The following PDE4B variants were observed in gnomAD, a reference collection of about 807,000 sequenced individuals.
PDE4B encodes 3',5'-cyclic-AMP phosphodiesterase 4B.
A neutral mutation model predicts 82.2 loss-of-function variants in PDE4B; 20 were observed. That is an observed-to-expected ratio of 0.24 (90% confidence interval 0.17 to 0.35). The LOEUF (loss-of-function observed/expected upper bound fraction) is 0.35. Ranked by LOEUF, PDE4B falls within the 10% of genes least tolerant of loss-of-function variation. The pLI is 1.00. For synonymous variants in PDE4B, 320 were observed against 318.9 expected (o/e 1.00, Z -0.04); for missense variants, 655 against 907.2 (o/e 0.72, Z 3.57).
At chr1:65,814,180 G>T (rs918059862) in intron 1 of PDE4B, among the ~76,000 whole-genome samples, 3 of 152,308 alleles carry the variant, frequency 2.0e-5, no homozygotes, top group Admixed American at 2.0e-4. Context: ...GCAGCTGCTG[G>T]TTGATGGAAA....
At chr1:65,799,738 T>C (rs1645673289) in intron 1 of PDE4B, among the ~76,000 whole-genome samples, 1 of 152,192 alleles carries the variant, frequency 6.6e-6, no homozygotes, top group Admixed American at 6.5e-5. Context: ...CTGCAGATTC[T>C]AGAGTGGCAG....
chr1:66,368,640 CA>C (rs1663429198), intron 15 of PDE4B, 146 bp from the exon 16 acceptor site: 4 of 497,690 alleles, frequency 8.0e-6, no homozygotes, highest in Admixed American at 4.2e-5. Context: ...ATTGTAATTC[CA>C]TTTTTTTTCG....
intron 7 of PDE4B, among the ~76,000 whole-genome samples, chr1:66,318,607 T>C (rs1472284537): frequency 6.6e-6 from 1 of 152,232 alleles, no homozygotes. Context: ...TATAGACTTA[T>C]GACCTAGAAT....
chr1:65,927,603 G>C (rs1647581965), intron 3 of PDE4B, among the ~76,000 whole-genome samples: 1 of 151,536 alleles, frequency 6.6e-6, no homozygotes, highest in South Asian at 2.1e-4. Context: ...ATAAGGCACT[G>C]TCATTCTCCA....
At chr1:66,339,897 G>T (rs1160363246) in intron 8 of PDE4B, among the ~76,000 whole-genome samples, 5 of 148,086 alleles carry the variant, frequency 3.4e-5, no homozygotes, top group Non-Finnish European at 7.4e-5. Flanking sequence ...CTCCTAGGTT[G>T]TATGCCATTG....
intron 3 of PDE4B, among the ~76,000 whole-genome samples, chr1:66,140,342 G>C (rs190101039): frequency 1.1e-4 from 17 of 152,210 alleles, no homozygotes; most frequent in Admixed American, 9.8e-4. Context: ...TGGATTTAAA[G>C]TAAAGAACCA....
At chr1:66,195,924 C>G (rs1381738397) in intron 3 of PDE4B, among the ~76,000 whole-genome samples, 1 of 151,910 alleles carries the variant, frequency 6.6e-6, no homozygotes, top group Admixed American at 6.6e-5. Flanking sequence ...CTATAAACCT[C>G]CTTCTTCACC....
intron 1 of PDE4B, among the ~76,000 whole-genome samples, chr1:65,898,343 AC>A (rs934887540): frequency 6.6e-6 from 1 of 152,036 alleles, no homozygotes; most frequent in African/African-American, 2.4e-5. Context: ...ATTAGGTCAC[AC>A]TTGTCAAATT....
chr1:66,332,431 C>CGGT, intron 7 of PDE4B, 77 bp from the exon 8 acceptor site: 1 of 1,614,116 alleles, frequency 6.2e-7, no homozygotes, highest in Non-Finnish European at 8.5e-7. Flanking sequence ...CCGGAATCAG[C>CGGT]GGTGGTAGCG....
intron 3 of PDE4B, among the ~76,000 whole-genome samples, chr1:66,150,975 G>A (rs923573373): frequency 1.3e-5 from 2 of 152,142 alleles, no homozygotes; most frequent in Non-Finnish European, 2.9e-5. Flanking sequence ...ATTCATACTG[G>A]ATGTTAGCCT....
rs547217920 is a variant in PDE4B at position 66,038,617 on chromosome 1, TG to T, written c.281+119783del. On this transcript the variant is annotated intron_variant, in intron 3 of 16. Coordinates refer to ENST00000341517, the MANE Select transcript of PDE4B (RefSeq NM_002600.4). ...AATAGGAAATGAAGTTGTAGGATTT[TG>T]TGGTGGGGAAGCGGGTCACAGTTTA... 1.7e-4 allele frequency among the ~76,000 whole-genome samples: 26 copies of T among 152,216 alleles called. 1 individual carries two copies. In the South Asian group the frequency reaches 5.4e-3, roughly 32 times the overall value.
chr1:65,837,677 G>A (rs1646156251), intron 1 of PDE4B, among the ~76,000 whole-genome samples: 1 of 152,112 alleles, frequency 6.6e-6, no homozygotes, highest in African/African-American at 2.4e-5. Context: ...CAGAGTATAT[G>A]GGGAAAGCTG....
chr1:66,178,285 C>G (rs1297494321), intron 3 of PDE4B, among the ~76,000 whole-genome samples: 1 of 151,986 alleles, frequency 6.6e-6, no homozygotes, highest in African/African-American at 2.4e-5. Context: ...TCATAACAAT[C>G]TATTAGATAG....
chr1:65,988,431 G>A (rs985478670), intron 3 of PDE4B, among the ~76,000 whole-genome samples: 7 of 152,208 alleles, frequency 4.6e-5, no homozygotes, highest in African/African-American at 1.4e-4. Context: ...TACACTGCTG[G>A]AAGAGGTATG....
intron 3 of PDE4B, among the ~76,000 whole-genome samples, chr1:65,997,825 G>A (rs925473857): frequency 2.6e-5 from 4 of 152,164 alleles, no homozygotes; most frequent in Non-Finnish European, 5.9e-5. Flanking sequence ...ATTAACCAAT[G>A]GTGTGGGAAT....
chr1:66,135,782 A>G (rs1034256871), intron 3 of PDE4B, among the ~76,000 whole-genome samples: 2 of 152,180 alleles, frequency 1.3e-5, no homozygotes, highest in African/African-American at 2.4e-5. Context: ...CTCGTGGTCA[A>G]TTTTTGCTCT....
chr1:65,962,551 A>C lies in PDE4B; in HGVS notation c.281+43716A>C, dbSNP rs147567664. 3.1e-4 allele frequency among the ~76,000 whole-genome samples: 47 copies of C among 152,298 alleles called. 1 individual carries two copies. The highest frequency in any genetic ancestry group is 1.1e-3 in the African/African-American group (44 of 41,562). On this transcript the variant is annotated intron_variant, in intron 3 of 16. Transcript: ENST00000341517. ...ATGCAGAAACTGTTGCTAGTCCATG[A>C]AGGGCCCTGGGATAGGGAGATTATC...
At chr1:65,920,069 G>A (rs1647209623) in intron 3 of PDE4B, among the ~76,000 whole-genome samples, 1 of 152,116 alleles carries the variant, frequency 6.6e-6, no homozygotes, top group African/African-American at 2.4e-5. Flanking sequence ...GGCACATAGG[G>A]CTCCCCTATA....
chr1:66,131,326 T>C (rs1036465920), intron 3 of PDE4B, among the ~76,000 whole-genome samples: 1 of 151,972 alleles, frequency 6.6e-6, no homozygotes, highest in African/African-American at 2.4e-5. Context: ...ACTAAGCAGC[T>C]ACTTATTTGA....
Sources: allele counts gnomAD v4.1 joint callset (sites outside exome capture counted in the v4.1 genomes callset), GRCh38; gene constraint gnomAD v4.1.1; transcripts MANE v1.5; gene names NCBI Gene and HGNC (gene_info 2026-07-23, HGNC 2026-07-21).